The following ANPEP variants were observed in gnomAD, a reference collection of about 807,000 sequenced individuals.
ANPEP encodes alanyl aminopeptidase, membrane, also known as aminopeptidase N.
Under a neutral mutation model 114.6 loss-of-function variants are expected in ANPEP, and 70 were observed. The ratio of observed to expected loss-of-function variants is 0.61; its 90% CI spans 0.50 to 0.75. The LOEUF (loss-of-function observed/expected upper bound fraction) is 0.75. ANPEP is among the 30% of genes least tolerant of loss of function. The pLI, the probability that ANPEP is intolerant of heterozygous loss-of-function variation, is 0.00. For missense variants in ANPEP, 1,184 were observed against 1,259.5 expected (o/e 0.94, Z 0.91); for synonymous variants, 548 against 522.3 (o/e 1.05, Z -0.67).
chr15:89,791,098 G>C lies in ANPEP; in HGVS notation c.2529-5C>G, dbSNP rs779764342. 2 of 1,613,972 alleles carry C rather than the reference G, an allele frequency of 1.2e-6. No homozygotes were observed. Among genetic ancestry groups the C allele is most frequent in the Admixed American group, 1.7e-5 (1 of 60,010 alleles). The stretch of plus-strand genomic sequence containing the variant: ...TTCAGGGTGTAGCTCAGGTACCTAA[G>C]AGGGCCAGATGCTGTCTCAGCTACT... On this transcript the variant is annotated splice_polypyrimidine_tract_variant and splice_region_variant and intron_variant, in intron 18 of 20. Transcript: ENST00000300060.
chr15:89,790,325 G>C (rs928257676), intron 20 of ANPEP, 135 bp downstream of exon 20: 6 of 681,736 alleles, frequency 8.8e-6, no homozygotes, highest in African/African-American at 1.8e-5. Flanking sequence ...TGGCTACTCG[G>C]CTTCCTCTGT....
chr15:89,814,299 G>A (rs1170841120), intron 1 of ANPEP, among the ~76,000 whole-genome samples: 1 of 152,224 alleles, frequency 6.6e-6, no homozygotes, highest in Non-Finnish European at 1.5e-5. Context: ...CGAGATCTAA[G>A]GTTAAAGAAA....
At position 89,803,564 on chromosome 15, in the gene ANPEP, GC is replaced by G; in HGVS notation, c.1438-58del. On this transcript the variant is annotated intron_variant, in intron 8 of 20. Transcript: ENST00000300060. This position sits in a 1 kb window ranked among gnomAD's most constrained non-coding sequence, Gnocchi z 4.2. ...CTGTGCAGAGCCACCAGGACCCTGT[GC>G]CCCCAGACCCTGCCTTCAGTGAGGC... The G allele has an allele frequency of 6.2e-7, 1 of 1,602,446 alleles. No homozygotes were observed. Among genetic ancestry groups the G allele is most frequent in the Non-Finnish European group, 8.5e-7 (1 of 1,176,172 alleles).
At chr15:89,809,491 T>C (rs762417246) in intron 1 of ANPEP, among the ~76,000 whole-genome samples, 2 of 152,310 alleles carry the variant, frequency 1.3e-5, no homozygotes, top group South Asian at 2.1e-4. Flanking sequence ...TAGCCCAAAG[T>C]TGGCTCTATA....
At chr15:89,792,066 G>T in intron 18 of ANPEP, 94 bp downstream of exon 18, 2 of 1,428,786 alleles carry the variant, frequency 1.4e-6, no homozygotes, top group Non-Finnish European at 9.5e-7. Flanking sequence ...GTCTGTGGGG[G>T]TCACGTGAAG....
chr15:89,793,832 A>G (rs1968679599), intron 15 of ANPEP, among the ~76,000 whole-genome samples: 2 of 152,168 alleles, frequency 1.3e-5, no homozygotes, highest in East Asian at 3.9e-4. Context: ...ATGCATTTAC[A>G]CCTTCTTTTT....
intron 15 of ANPEP, 107 bp downstream of exon 15, chr15:89,797,468 G>A: frequency 7.1e-7 from 1 of 1,417,458 alleles, no homozygotes; most frequent in Non-Finnish European, 9.4e-7. Context: ...GCTTTTGAAG[G>A]TTCCCTGACC....
chr15:89,798,756 A>G (rs1894525098), intron 14 of ANPEP, among the ~76,000 whole-genome samples: 1 of 151,916 alleles, frequency 6.6e-6, no homozygotes, highest in Non-Finnish European at 1.5e-5. Flanking sequence ...CCTGACCAAC[A>G]TGGTGAAACC....
Position 89,805,959 on chromosome 15 carries a change from C to T in ANPEP, c.614+11G>A. ...GGATCCACCCCACCGGGCAGCCCAG[C>T]CGGAACTCACTTTCTGACATTGCCC... On this transcript the variant is annotated intron_variant, in intron 2 of 20. Coordinates refer to ENST00000300060, the MANE Select transcript of ANPEP (RefSeq NM_001150.3). 6.4e-7 allele frequency: 1 copy of T among 1,574,690 alleles called. No individual in the cohort carries two copies.
intron 1 of ANPEP, among the ~76,000 whole-genome samples, chr15:89,812,619 T>A: frequency 6.6e-6 from 1 of 152,052 alleles, no homozygotes; most frequent in East Asian, 2.0e-4. Context: ...CCACAGATCC[T>A]GCCTGGCAAC....
chr15:89,808,445 C>A (rs1030075900), intron 1 of ANPEP, among the ~76,000 whole-genome samples: 1 of 152,222 alleles, frequency 6.6e-6, no homozygotes, highest in Admixed American at 6.5e-5. Context: ...CAGGGCCTCA[C>A]CAGCACTTAG....
rs372119555 is a variant in ANPEP at position 89,808,152 on chromosome 15, C to G, written c.-223-1346G>C. On this transcript the variant is annotated intron_variant, in intron 1 of 20. Coordinates refer to ENST00000300060, the MANE Select transcript of ANPEP (RefSeq NM_001150.3). ...CTGCCCATTTCCTGGCCTCTTCCCCCCTGTTGCAGTACCCCAGCCACTCTG... is the reference window on the plus strand; with the variant it reads ...CTGCCCATTTCCTGGCCTCTTCCCCGCTGTTGCAGTACCCCAGCCACTCTG... Among the ~76,000 whole-genome samples the G allele has an allele frequency of 3.0e-4, 46 of 152,338 alleles. 1 individual carries two copies. The highest frequency in any genetic ancestry group is 9.4e-4 in the African/African-American group (39 of 41,568).
intron 14 of ANPEP, among the ~76,000 whole-genome samples, chr15:89,798,084 C>G (rs368375738): frequency 6.6e-6 from 1 of 152,216 alleles, no homozygotes; most frequent in Non-Finnish European, 1.5e-5. Flanking sequence ...GCAAGAAGCC[C>G]GTGTTCTTAA....
At chr15:89,814,373 G>A (rs1167639484) in intron 1 of ANPEP, among the ~76,000 whole-genome samples, 1 of 152,068 alleles carries the variant, frequency 6.6e-6, no homozygotes, top group Non-Finnish European at 1.5e-5. Flanking sequence ...CTTTGCCTTC[G>A]GCCGCGCCCC....
chr15:89,810,930 G>T (rs550480137), intron 1 of ANPEP, among the ~76,000 whole-genome samples: 5 of 152,352 alleles, frequency 3.3e-5, no homozygotes, highest in African/African-American at 1.2e-4. Context: ...GGCCTGGAAA[G>T]CTTCCTGCCT....
intron 20 of ANPEP, 22 bp from the exon 21 acceptor site, chr15:89,785,523 C>T (rs778146622): frequency 6.3e-7 from 1 of 1,592,866 alleles, no homozygotes; most frequent in Non-Finnish European, 8.5e-7. Flanking sequence ...ACAAAAGATT[C>T]TCAGTCCGGC....
At chr15:89,789,007 TCTCA>T (rs1158973907) in intron 20 of ANPEP, among the ~76,000 whole-genome samples, 1 of 150,396 alleles carries the variant, frequency 6.6e-6, no homozygotes, top group Non-Finnish European at 1.5e-5. Context: ...TGAGACAGAG[TCTCA>T]CTCTGTCGCC....
intron 16 of ANPEP, 140 bp downstream of exon 16, chr15:89,792,895 G>T: frequency 1.3e-6 from 1 of 778,544 alleles, no homozygotes; most frequent in Non-Finnish European, 2.2e-6. Context: ...CTCAGGGCAG[G>T]ACCTCCCTGC....
At chr15:89,810,091 C>T (rs1894791149) in intron 1 of ANPEP, among the ~76,000 whole-genome samples, 1 of 152,108 alleles carries the variant, frequency 6.6e-6, no homozygotes, top group African/African-American at 2.4e-5. Context: ...TAGGAAAATG[C>T]CACTGAGGCT....
Sources: allele counts gnomAD v4.1 joint callset (sites outside exome capture counted in the v4.1 genomes callset), GRCh38; gene constraint gnomAD v4.1.1; non-coding constraint Gnocchi (gnomAD v3.1); transcripts MANE v1.5; gene names NCBI Gene and HGNC (gene_info 2026-07-23, HGNC 2026-07-21).